The following PTPRD variants were observed in gnomAD, a reference collection of about 807,000 sequenced individuals.
PTPRD encodes protein tyrosine phosphatase receptor type D.
PTPRD carries 34 observed loss-of-function variants against 214.5 expected under a neutral mutation model. The observed-to-expected ratio is 0.16, with a 90% CI of 0.12 to 0.21. The LOEUF (loss-of-function observed/expected upper bound fraction) is 0.21. Among genes scored for constraint, PTPRD ranks in the 10% least tolerant of loss-of-function variants. The pLI, the probability that PTPRD is intolerant of heterozygous loss-of-function variation, is 1.00. For missense variants in PTPRD, 2,545 were observed against 2,398.7 expected (o/e 1.06, Z -1.27); for synonymous variants, 1,128 against 845.7 (o/e 1.33, Z -5.79).
At chr9:8,480,003 A>G (rs753512563) in intron 30 of PTPRD, among the ~76,000 whole-genome samples, 1 of 152,198 alleles carries the variant, frequency 6.6e-6, no homozygotes, top group Non-Finnish European at 1.5e-5. Flanking sequence ...TTATGTTTTC[A>G]CAATACCTGG....
intron 11 of PTPRD, among the ~76,000 whole-genome samples, chr9:8,911,777 G>C (rs2098750050): frequency 1.3e-5 from 2 of 152,048 alleles, no homozygotes; most frequent in African/African-American, 4.8e-5. Context: ...ATTTCTGATA[G>C]AGGAATTATA....
At chr9:8,577,001 C>A (rs2092467805) in intron 14 of PTPRD, among the ~76,000 whole-genome samples, 1 of 152,102 alleles carries the variant, frequency 6.6e-6, no homozygotes, top group Non-Finnish European at 1.5e-5. Flanking sequence ...ATCCATTCTC[C>A]TTCCACAATG....
At chr9:8,566,935 G>C (rs2089474385) in intron 14 of PTPRD, among the ~76,000 whole-genome samples, 1 of 152,036 alleles carries the variant, frequency 6.6e-6, no homozygotes, top group Non-Finnish European at 1.5e-5. Flanking sequence ...CTTCATTCTT[G>C]ATTTGGGGTT....
chr9:9,545,858 T>C (rs1007695580), intron 8 of PTPRD, among the ~76,000 whole-genome samples: 4 of 151,824 alleles, frequency 2.6e-5, no homozygotes, highest in Non-Finnish European at 5.9e-5. Context: ...TTGACTGAGA[T>C]TGCATTGAGT....
chr9:8,949,409 C>G (rs2099090027), intron 11 of PTPRD, among the ~76,000 whole-genome samples: 1 of 151,918 alleles, frequency 6.6e-6, no homozygotes. Context: ...ATCTTTACTG[C>G]TTGGTTCATA....
In PTPRD at chr9:8,574,267, A is replaced by C. The variant is rs1594238893; in HGVS notation, c.353-45488T>G. Among the ~76,000 whole-genome samples, 2 of 152,164 alleles carry C rather than the reference A, an allele frequency of 1.3e-5. 1 individual carries two copies. The highest frequency in any genetic ancestry group is 6.8e-3 in the Middle Eastern group (2 of 294). On this transcript the variant is annotated intron_variant, in intron 14 of 45. Transcript: ENST00000381196. Reference sequence around the variant, plus strand: ...CACTATTAACAACTGATAATACGCCATAATGAACACTCTTTGGCACTGTCT... The same window carrying C: ...CACTATTAACAACTGATAATACGCCCTAATGAACACTCTTTGGCACTGTCT...
chr9:10,152,680 C>G (rs1438252114), intron 3 of PTPRD, among the ~76,000 whole-genome samples: 1 of 152,104 alleles, frequency 6.6e-6, no homozygotes, highest in Non-Finnish European at 1.5e-5. Flanking sequence ...ACAAAATTAG[C>G]TGGGCGTGGT....
chr9:8,438,989 T>C (rs2095451096), intron 34 of PTPRD, among the ~76,000 whole-genome samples: 1 of 152,210 alleles, frequency 6.6e-6, no homozygotes, highest in African/African-American at 2.4e-5. Context: ...CAAGCAGACC[T>C]ACATTGAGTC....
chr9:10,327,959 T>C (rs2096674917), intron 3 of PTPRD, among the ~76,000 whole-genome samples: 1 of 151,732 alleles, frequency 6.6e-6, no homozygotes, highest in South Asian at 2.1e-4. Context: ...GAGTTTTTAT[T>C]ATAAAAATTA....
At chr9:10,095,013 C>T (rs190592179) in intron 3 of PTPRD, among the ~76,000 whole-genome samples, 91 of 151,242 alleles carry the variant, frequency 6.0e-4, no homozygotes, top group African/African-American at 2.0e-3. Context: ...AACTTCTAAG[C>T]GGGGTATTAC....
intron 16 of PTPRD, 29 bp from the exon 17 acceptor site, chr9:8,526,673 A>G: frequency 1.9e-6 from 3 of 1,570,418 alleles, no homozygotes; most frequent in South Asian, 2.4e-5. Context: ...TGCAAATAAG[A>G]TTAGAAAGAA....
intron 3 of PTPRD, among the ~76,000 whole-genome samples, chr9:10,282,695 G>A (rs949355082): frequency 2.0e-5 from 3 of 151,682 alleles, no homozygotes; most frequent in African/African-American, 7.2e-5. Context: ...TATTAAAGAA[G>A]TACAGCTTTC....
intron 2 of PTPRD, among the ~76,000 whole-genome samples, chr9:10,394,798 T>C (rs551684877): frequency 1.3e-5 from 2 of 151,790 alleles, no homozygotes; most frequent in East Asian, 2.0e-4. Flanking sequence ...TAAACGTCAA[T>C]ATAAACTTTA....
At position 10,380,155 on chromosome 9, in the gene PTPRD, A is replaced by G. The variant is rs528603906; in HGVS notation, c.-599-39138T>C. The stretch of plus-strand genomic sequence containing the variant: ...TTCTTTTGATAAAGCTATTTTGCCA[A>G]TTTGATTTCTAATTAACGTTCAAAG... On this transcript the variant is annotated intron_variant, in intron 2 of 45. Coordinates refer to ENST00000381196, the MANE Select transcript of PTPRD (RefSeq NM_002839.4). Among the ~76,000 whole-genome samples, 62 of 152,180 alleles carry G rather than the reference A, an allele frequency of 4.1e-4. No homozygotes were observed. In the South Asian group the frequency reaches 0.013, roughly 32 times the overall value.
intron 3 of PTPRD, among the ~76,000 whole-genome samples, chr9:10,300,899 C>T (rs558514646): frequency 3.3e-4 from 50 of 152,206 alleles, no homozygotes; most frequent in Non-Finnish European, 6.2e-4. Flanking sequence ...TCTCCCAGCA[C>T]AGTGTTCGAG....
intron 5 of PTPRD, among the ~76,000 whole-genome samples, chr9:9,917,151 A>C (rs973625711): frequency 6.6e-6 from 1 of 151,372 alleles, no homozygotes; most frequent in African/African-American, 2.4e-5. Context: ...GAATGTCTAG[A>C]AAAGAACAAA....
chr9:9,903,486 A>C (rs2076868665), intron 5 of PTPRD, among the ~76,000 whole-genome samples: 1 of 152,100 alleles, frequency 6.6e-6, no homozygotes, highest in Non-Finnish European at 1.5e-5. Context: ...CAGATCAGGT[A>C]CCCAATAAAT....
At chr9:9,814,862 C>T (rs1041389485) in intron 5 of PTPRD, among the ~76,000 whole-genome samples, 4 of 143,234 alleles carry the variant, frequency 2.8e-5, no homozygotes, top group Admixed American at 7.3e-5. Context: ...TACAGTGGCA[C>T]GATCACGGTT....
chr9:10,583,483 G>C (rs917056579), intron 2 of PTPRD, among the ~76,000 whole-genome samples: 1 of 148,836 alleles, frequency 6.7e-6, no homozygotes. Flanking sequence ...ACGGAGTCTC[G>C]CCCTGTTGCC....
Sources: allele counts gnomAD v4.1 joint callset (sites outside exome capture counted in the v4.1 genomes callset), GRCh38; gene constraint gnomAD v4.1.1; transcripts MANE v1.5; gene names NCBI Gene and HGNC (gene_info 2026-07-23, HGNC 2026-07-21).